Variants in ADAM7 observed in about 807,000 individuals in gnomAD.
ADAM7 encodes ADAM metallopeptidase domain 7, also known as disintegrin and metalloproteinase domain-containing protein 7.
Under a neutral mutation model 102.9 loss-of-function variants are expected in ADAM7, and 97 were observed. That is an observed-to-expected ratio of 0.94 (90% CI 0.80 to 1.12). The LOEUF is 1.12. Among genes scored for constraint, ADAM7 ranks in the 50% most tolerant of loss-of-function variants. The probability of loss-of-function intolerance (pLI) is 0.00; values close to 1 mark genes in which losing one functional copy is unlikely to be tolerated. For synonymous variants in ADAM7, 334 were observed against 304.4 expected, an observed-to-expected ratio of 1.10 and a Z score of -1.01; for missense variants, 991 against 908.7, an observed-to-expected ratio of 1.09 and a Z score of -1.16.
chr8:24,457,322 C>T (rs1819071074), intron 3 of ADAM7, among the ~76,000 whole-genome samples: 2 of 151,962 alleles, frequency 1.3e-5, no homozygotes, highest in Non-Finnish European at 2.9e-5. Context: ...GTCATCTAGG[C>T]TGGAGTAGAG....
intron 15 of ADAM7, 135 bp from the exon 16 acceptor site, chr8:24,492,908 T>C: frequency 2.3e-6 from 2 of 856,150 alleles, no homozygotes; most frequent in African/African-American, 3.5e-5. Context: ...AGTGGTTTTC[T>C]CTGCCCATTA....
intron 14 of ADAM7, 123 bp downstream of exon 14, chr8:24,492,221 C>A: frequency 1.0e-6 from 1 of 990,190 alleles, no homozygotes; most frequent in Non-Finnish European, 1.5e-6. Context: ...CAAGATATTG[C>A]TTAGCATTTC....
At chr8:24,444,920 C>T (rs1232220321) in intron 2 of ADAM7, among the ~76,000 whole-genome samples, 3 of 152,050 alleles carry the variant, frequency 2.0e-5, no homozygotes, top group Non-Finnish European at 2.9e-5. Flanking sequence ...AACAGGGAAA[C>T]CTGAGTGCAG....
intron 16 of ADAM7, among the ~76,000 whole-genome samples, chr8:24,497,566 T>A (rs1820602035): frequency 6.6e-6 from 1 of 151,744 alleles, no homozygotes; most frequent in Non-Finnish European, 1.5e-5. Flanking sequence ...TCAAAGAAAA[T>A]AAATAAAACC....
chr8:24,469,731 T>C (rs1819543648), intron 7 of ADAM7, among the ~76,000 whole-genome samples: 1 of 152,108 alleles, frequency 6.6e-6, no homozygotes, highest in Non-Finnish European at 1.5e-5. Flanking sequence ...TGAATTAAAA[T>C]GACACTGAAA....
intron 3 of ADAM7, among the ~76,000 whole-genome samples, chr8:24,447,974 ACACACACAC>A (rs1353655112): frequency 1.3e-5 from 2 of 148,762 alleles, no homozygotes; most frequent in African/African-American, 5.1e-5. Context: ...ACACACACAC[ACACACACAC>A]AATCCCAAAC....
intron 1 of ADAM7, among the ~76,000 whole-genome samples, chr8:24,442,195 A>G (rs182987159): frequency 4.0e-4 from 61 of 152,256 alleles, no homozygotes; most frequent in East Asian, 3.7e-3. Context: ...TAAATGAAAC[A>G]AAAAATAAAA....
intron 15 of ADAM7, 27 bp from the exon 16 acceptor site, chr8:24,493,016 A>G (rs1563393571): frequency 7.8e-6 from 12 of 1,543,968 alleles, no homozygotes; most frequent in Non-Finnish European, 1.0e-5. Context: ...TCTAGTTCCA[A>G]GTTTGAATAT....
intron 9 of ADAM7, among the ~76,000 whole-genome samples, chr8:24,482,731 A>G (rs1357226312): frequency 6.6e-6 from 1 of 152,192 alleles, no homozygotes; most frequent in East Asian, 1.9e-4. Context: ...CCTGAGTGAC[A>G]GAATGAGACC....
chr8:24,462,738 C>T (rs1262861712), intron 3 of ADAM7, among the ~76,000 whole-genome samples: 1 of 152,274 alleles, frequency 6.6e-6, no homozygotes, highest in Middle Eastern at 3.4e-3. Flanking sequence ...AACATTAGTT[C>T]ACCATTTATT....
At chr8:24,507,638 T>C in intron 21 of ADAM7, 103 bp downstream of exon 21, 1 of 907,008 alleles carries the variant, frequency 1.1e-6, no homozygotes. Flanking sequence ...ACATCCTCTG[T>C]ACTTATCACA....
intron 3 of ADAM7, among the ~76,000 whole-genome samples, chr8:24,458,749 T>C (rs1268923390): frequency 2.0e-5 from 3 of 152,248 alleles, no homozygotes; most frequent in Non-Finnish European, 4.4e-5. Context: ...AAGTGTTCAG[T>C]ATTAAATGAT....
At chr8:24,457,074 G>A (rs958998070) in intron 3 of ADAM7, among the ~76,000 whole-genome samples, 1 of 152,094 alleles carries the variant, frequency 6.6e-6, no homozygotes, top group Non-Finnish European at 1.5e-5. Flanking sequence ...TACCAGCAAT[G>A]TATGAGAATA....
At chr8:24,453,034 G>A (rs1330584451) in intron 3 of ADAM7, among the ~76,000 whole-genome samples, 28 of 151,218 alleles carry the variant, frequency 1.9e-4, no homozygotes, top group Middle Eastern at 3.2e-3. Flanking sequence ...TTAGTCTGAT[G>A]GGCTTCCCTT....
chr8:24,483,506 G>A (rs1162755446), intron 9 of ADAM7, among the ~76,000 whole-genome samples: 3 of 152,146 alleles, frequency 2.0e-5, no homozygotes, highest in Non-Finnish European at 2.9e-5. Context: ...CTTTCAGTCC[G>A]AACTCAAAAA....
At chr8:24,503,143 CA>C (rs1472185599) in intron 20 of ADAM7, among the ~76,000 whole-genome samples, 1 of 152,096 alleles carries the variant, frequency 6.6e-6, no homozygotes, top group Non-Finnish European at 1.5e-5. Context: ...ATCATATGAT[CA>C]TATCAATAGA....
At chr8:24,471,423 A>G (rs1361229986) in intron 7 of ADAM7, among the ~76,000 whole-genome samples, 1 of 151,234 alleles carries the variant, frequency 6.6e-6, no homozygotes, top group Non-Finnish European at 1.5e-5. Context: ...CTCCAGGCCT[A>G]CAAGCTCCAT....
At chr8:24,476,081 T>A in intron 7 of ADAM7, 1 of 402,010 alleles carries the variant, frequency 2.5e-6, no homozygotes, top group South Asian at 1.9e-5. Flanking sequence ...GCTTTGTAGC[T>A]TTAATAGGTT....
At position 24,491,959 on chromosome 8, in the gene ADAM7, G is replaced by T. The variant is rs755126338; in HGVS notation, c.1413G>T (p.Glu471Asp). 2.5e-6 allele frequency: 4 copies of T among 1,613,640 alleles called. No homozygotes were observed. The African/African-American group carries it at 5.3e-5, about 22-fold the overall frequency. The change falls in exon 14 of 22, where the codon GAG (glutamate) becomes GAT (aspartate). Residue 471 changes from glutamate (E) to aspartate (D), a missense_variant. Glu to Asp is a conservative substitution (Grantham distance 45). Transcript: ENST00000175238. ...RPAKDECDFP[E>D]MCTGHSPACP... Reference sequence around the variant, plus strand: ...CGAAAGATGAATGTGATTTTCCTGAGATGTGCACTGGCCACTCGCCTGCCT... The same window carrying T: ...CGAAAGATGAATGTGATTTTCCTGATATGTGCACTGGCCACTCGCCTGCCT...
Sources: gnomAD v4.1 joint callset for allele counts (sites outside exome capture counted in the v4.1 genomes callset) on GRCh38, gnomAD v4.1.1 for gene constraint, MANE v1.5 for transcripts, NCBI Gene and HGNC (gene_info 2026-07-23, HGNC 2026-07-21) for gene names.